ADARB1: variants seen among roughly 807,000 people sequenced by gnomAD.
ADARB1 encodes the protein double-stranded RNA-specific editase 1.
A neutral mutation model predicts 52.4 loss-of-function variants in ADARB1; 10 were observed. That is an observed-to-expected ratio of 0.19 (90% CI 0.12 to 0.32). The LOEUF (loss-of-function observed/expected upper bound fraction) is 0.32, where lower values mean the gene tolerates loss of function less well. Among genes scored for constraint, ADARB1 ranks in the 10% least tolerant of loss-of-function variants. The pLI, the probability that ADARB1 is intolerant of heterozygous loss-of-function variation, is 1.00. For missense variants in ADARB1, 643 were observed against 922.3 expected, an observed-to-expected ratio of 0.70 and a Z score of 3.92; for synonymous variants, 349 against 371.1, an observed-to-expected ratio of 0.94 and a Z score of 0.68.
At chr21:45,181,460 A>G (rs2091929917) in intron 5 of ADARB1, 1 of 152,172 alleles carries the variant, frequency 6.6e-6, no homozygotes, top group Admixed American at 6.5e-5. Flanking sequence ...CCTTACTGCT[A>G]TCTTTTACAT....
At position 45,103,193 on chromosome 21, in the gene ADARB1, C is replaced by T. The variant is rs751215961; in HGVS notation, c.-219-25209C>T. On this transcript the variant is annotated intron_variant, in intron 1 of 10. Transcript: ENST00000348831. Reference sequence around the variant, plus strand: ...TGGGATCCTGGACGACTGAATCTGACGAAAGTGTGGATTTCAGTTAATAAC... The same window carrying T: ...TGGGATCCTGGACGACTGAATCTGATGAAAGTGTGGATTTCAGTTAATAAC... Among the ~76,000 whole-genome samples, 3 of 152,152 alleles carry T rather than the reference C, an allele frequency of 2.0e-5. No individual in the cohort carries two copies. The East Asian group carries it at 5.8e-4, about 29-fold the overall frequency.
intron 2 of ADARB1, among the ~76,000 whole-genome samples, chr21:45,147,623 G>T (rs925721771): frequency 6.6e-6 from 1 of 152,148 alleles, no homozygotes; most frequent in African/African-American, 2.4e-5. Flanking sequence ...CTCAGGCCAG[G>T]CCCCCGGGGG....
At position 45,175,821 on chromosome 21, in the gene ADARB1, G is replaced by C; in HGVS notation, c.120G>C (p.Gln40His). 6.2e-7 allele frequency: 1 copy of C among 1,614,190 alleles called. No individual in the cohort carries two copies. Among genetic ancestry groups the C allele is most frequent in the Non-Finnish European group, 8.5e-7 (1 of 1,180,036 alleles). Residue 40 changes from glutamine to histidine, a missense_variant, in exon 4 of 11, where the codon CAG becomes CAC. Around this residue, in one of 2 missense-constraint regions of ADARB1, gnomAD observed 380 missense variants for 446.5 expected, o/e 0.85. Transcript: ENST00000348831. ...CACCTGGGCCTGGCGAGGGCTCTCA[G>C]CTCTCCAATGGGGGTGGTGGTGGCC... is the stretch of plus-strand genomic sequence containing the variant. ...GSTPGPGEGS[Q>H]LSNGGGGGPG...
At chr21:45,167,827 C>T (rs568765078) in intron 2 of ADARB1, among the ~76,000 whole-genome samples, 12 of 152,266 alleles carry the variant, frequency 7.9e-5, no homozygotes, top group Middle Eastern at 3.4e-3. Flanking sequence ...GAACGTAAGC[C>T]TTCATTTCTC....
At chr21:45,113,210 G>A (rs550879130) in intron 1 of ADARB1, among the ~76,000 whole-genome samples, 3 of 152,068 alleles carry the variant, frequency 2.0e-5, no homozygotes, top group Non-Finnish European at 4.4e-5. Context: ...GGATCACAAG[G>A]TCAGGAGTTC....
intron 1 of ADARB1, among the ~76,000 whole-genome samples, chr21:45,095,067 C>G (rs1569001663): frequency 6.6e-6 from 1 of 152,260 alleles, no homozygotes; most frequent in Non-Finnish European, 1.5e-5. Flanking sequence ...CACTAATGAT[C>G]TGTCTCTTGT....
intron 8 of ADARB1, among the ~76,000 whole-genome samples, chr21:45,187,984 G>A (rs2146242088): frequency 6.6e-6 from 1 of 152,182 alleles, no homozygotes; most frequent in Non-Finnish European, 1.5e-5. Flanking sequence ...TTTGATATCA[G>A]GGTACTGCTG....
chr21:45,179,681 A>G (rs916083416), intron 4 of ADARB1, among the ~76,000 whole-genome samples: 6 of 151,794 alleles, frequency 4.0e-5, no homozygotes, highest in African/African-American at 1.5e-4. Flanking sequence ...ACATGATTCT[A>G]TCGTACCGTC....
intron 1 of ADARB1, among the ~76,000 whole-genome samples, chr21:45,104,097 C>T (rs973586916): frequency 2.0e-5 from 3 of 152,150 alleles, no homozygotes; most frequent in African/African-American, 7.2e-5. Context: ...TCAGCTAGCT[C>T]GTATACTTTT....
At chr21:45,129,239 A>G (rs950737964) in intron 2 of ADARB1, among the ~76,000 whole-genome samples, 2 of 152,106 alleles carry the variant, frequency 1.3e-5, no homozygotes, top group African/African-American at 4.8e-5. Flanking sequence ...AAAAAAAAAA[A>G]GAAGAACATT....
intron 2 of ADARB1, among the ~76,000 whole-genome samples, chr21:45,162,353 C>G (rs1352627274): frequency 6.6e-6 from 1 of 152,164 alleles, no homozygotes; most frequent in Non-Finnish European, 1.5e-5. Context: ...GCCTGCCTGG[C>G]TGTACACAAT....
At chr21:45,103,000 T>G (rs2087091159) in intron 1 of ADARB1, among the ~76,000 whole-genome samples, 1 of 152,150 alleles carries the variant, frequency 6.6e-6, no homozygotes. Context: ...CAGTGGGCCT[T>G]CACCTCTGGG....
chr21:45,139,118 G>C (rs1207055424), intron 2 of ADARB1, among the ~76,000 whole-genome samples: 1 of 151,990 alleles, frequency 6.6e-6, no homozygotes, highest in Non-Finnish European at 1.5e-5. Context: ...ACGGGGTTTT[G>C]CTGTGTTGCC....
chr21:45,105,589 C>A (rs1601361284), intron 1 of ADARB1, among the ~76,000 whole-genome samples: 1 of 152,150 alleles, frequency 6.6e-6, no homozygotes, highest in Non-Finnish European at 1.5e-5. Flanking sequence ...AGAGAAAACT[C>A]GTAAGTGCCC....
chr21:45,158,359 CAGTG>C (rs1201160131), intron 2 of ADARB1, among the ~76,000 whole-genome samples: 2 of 152,144 alleles, frequency 1.3e-5, no homozygotes, highest in Admixed American at 6.5e-5. Context: ...GTGTAGAACA[CAGTG>C]AGGCAGAATG....
intron 8 of ADARB1, among the ~76,000 whole-genome samples, chr21:45,197,231 G>A (rs2092444280): frequency 1.3e-5 from 2 of 152,064 alleles, no homozygotes. Context: ...GCCAGGCGTG[G>A]TGGCTCACGC....
intron 2 of ADARB1, among the ~76,000 whole-genome samples, chr21:45,163,293 A>G (rs1262825191): frequency 6.6e-6 from 1 of 152,250 alleles, no homozygotes; most frequent in Non-Finnish European, 1.5e-5. Flanking sequence ...AGGTCCCAAA[A>G]GGCAACAGGG....
intron 1 of ADARB1, among the ~76,000 whole-genome samples, chr21:45,077,169 G>A (rs1432315712): frequency 1.3e-5 from 2 of 152,322 alleles, no homozygotes; most frequent in East Asian, 3.9e-4. Flanking sequence ...TTTCTTAGCT[G>A]TAAGTTTTAC....
chr21:45,183,657 AT>A (rs1048328699), intron 7 of ADARB1, 147 bp downstream of exon 7: 36 of 962,512 alleles, frequency 3.7e-5, no homozygotes, highest in South Asian at 5.6e-5. Flanking sequence ...AAAAGCATGG[AT>A]TTTTTTCTTT....
Sources: allele counts gnomAD v4.1 joint callset (sites outside exome capture counted in the v4.1 genomes callset), GRCh38; gene constraint gnomAD v4.1.1; regional missense constraint gnomAD v4.1.1; transcripts MANE v1.5; gene names NCBI Gene and HGNC (gene_info 2026-07-23, HGNC 2026-07-21).